MAST4: variants seen among roughly 807,000 people sequenced by gnomAD.
MAST4 encodes the protein microtubule associated serine/threonine kinase family member 4.
A neutral mutation model predicts 162.7 loss-of-function variants in MAST4; 89 were observed. The observed-to-expected ratio is 0.55, with a 90% CI of 0.46 to 0.65. The LOEUF (loss-of-function observed/expected upper bound fraction) is 0.65. MAST4 is among the 30% of genes least tolerant of loss of function. MAST4 has a pLI of 0.00. For synonymous variants in MAST4, 1,479 were observed against 1,361.1 expected (o/e 1.09, Z -1.91); for missense variants, 3,153 against 3,374.0 (o/e 0.93, Z 1.62).
At chr5:67,142,642 C>T in intron 21 of MAST4, 109 bp downstream of exon 21, 2 of 721,706 alleles carry the variant, frequency 2.8e-6, no homozygotes, top group Admixed American at 2.7e-5. Flanking sequence ...GGTTTGAGGT[C>T]TCCTATGCTT....
chr5:66,939,332 G>A (rs1342086279), intron 4 of MAST4, among the ~76,000 whole-genome samples: 2 of 152,040 alleles, frequency 1.3e-5, no homozygotes, highest in Non-Finnish European at 2.9e-5. Flanking sequence ...AACCAGAGAG[G>A]AAATAATATA....
At chr5:67,048,764 A>G (rs886678823) in intron 4 of MAST4, among the ~76,000 whole-genome samples, 7 of 151,776 alleles carry the variant, frequency 4.6e-5, no homozygotes, top group African/African-American at 1.7e-4. Context: ...CAGAGTTTTT[A>G]AATCACCTAG....
chr5:66,930,427 T>C (rs756167803), intron 4 of MAST4, among the ~76,000 whole-genome samples: 4 of 152,184 alleles, frequency 2.6e-5, no homozygotes, highest in Non-Finnish European at 4.4e-5. Context: ...TAAATGCAGC[T>C]GACACCACAG....
chr5:66,666,987 C>A (rs10068058), intron 1 of MAST4, among the ~76,000 whole-genome samples: 12 of 152,006 alleles, frequency 7.9e-5, no homozygotes, highest in South Asian at 2.1e-4. Flanking sequence ...AAGAGGCGGC[C>A]TCTACAGTGA....
intron 8 of MAST4, among the ~76,000 whole-genome samples, chr5:67,101,177 C>T (rs1764986071): frequency 6.6e-6 from 1 of 152,144 alleles, no homozygotes. Flanking sequence ...CAGCATGTTT[C>T]TTAGGGAGTG....
chr5:66,758,053 G>C (rs536484491), intron 1 of MAST4, among the ~76,000 whole-genome samples: 1 of 151,480 alleles, frequency 6.6e-6, no homozygotes, highest in Non-Finnish European at 1.5e-5. Context: ...ATTTGAAAGG[G>C]TGTGTTTTTT....
At chr5:66,663,487 G>A (rs76081863) in intron 1 of MAST4, among the ~76,000 whole-genome samples, 10,699 of 152,220 alleles carry the variant, frequency 0.07, 439 homozygotes, top group Admixed American at 0.11. Context: ...TTACTGGTCA[G>A]TTATGGGAAG....
rs758191941 is a variant in MAST4, at chr5:67,164,856, G to A, written c.5677G>A (p.Asp1893Asn). The A allele has an allele frequency of 1.9e-6, 3 of 1,614,004 alleles. No individual in the cohort carries two copies. Among genetic ancestry groups the A allele is most frequent in the Non-Finnish European group, 1.7e-6 (2 of 1,179,896 alleles). Reference sequence around the variant, plus strand: ...GAATTCACCAGCAGTTTCCCTGCCTGACCCAGAGTTCAAGAGGGACAGGAA... The same window carrying A: ...GAATTCACCAGCAGTTTCCCTGCCTAACCCAGAGTTCAAGAGGGACAGGAA... The part of the protein sequence containing the change: ...LQNSPAVSLP[D>N]PEFKRDRKGP... The change falls in exon 29 of 29, where the codon GAC becomes AAC. Residue 1893 changes from aspartate to asparagine, a missense_variant. This residue lies in a region of MAST4 where 1,644 missense variants were observed against 1,495.0 expected (regional missense o/e 1.10). Transcript: ENST00000403625. This position sits in a 1 kb window ranked among gnomAD's most constrained non-coding sequence, Gnocchi z 5.3.
intron 1 of MAST4, among the ~76,000 whole-genome samples, chr5:66,650,625 C>T (rs1232203634): frequency 6.6e-6 from 1 of 152,164 alleles, no homozygotes; most frequent in African/African-American, 2.4e-5. Flanking sequence ...GTTTAGCCAA[C>T]TGCCATGTAA....
intron 1 of MAST4, among the ~76,000 whole-genome samples, chr5:66,712,598 A>G (rs1750564204): frequency 6.6e-6 from 1 of 152,202 alleles, no homozygotes; most frequent in Non-Finnish European, 1.5e-5. Context: ...TGTTTGCTTT[A>G]TGTCTGCCAA....
At chr5:66,747,248 C>A (rs1275505867) in intron 1 of MAST4, among the ~76,000 whole-genome samples, 4 of 152,070 alleles carry the variant, frequency 2.6e-5, no homozygotes, top group African/African-American at 9.7e-5. Flanking sequence ...AAAATCAATT[C>A]TCTTAAGAAA....
chr5:66,875,339 G>T (rs1311662542), intron 3 of MAST4, among the ~76,000 whole-genome samples: 2 of 152,140 alleles, frequency 1.3e-5, no homozygotes, highest in Admixed American at 1.3e-4. Context: ...AGAAAATTCT[G>T]AGGCAGCTTA....
At chr5:66,687,596 A>G (rs1014172188) in intron 1 of MAST4, among the ~76,000 whole-genome samples, 3 of 150,242 alleles carry the variant, frequency 2.0e-5, no homozygotes, top group East Asian at 2.0e-4. Context: ...ATATATACAT[A>G]CATATATACA....
intron 4 of MAST4, among the ~76,000 whole-genome samples, chr5:66,984,374 G>A (rs1265204777): frequency 6.6e-6 from 1 of 152,200 alleles, no homozygotes; most frequent in Non-Finnish European, 1.5e-5. Flanking sequence ...CAGAGAGGCA[G>A]GGCCAGGTCC....
intron 2 of MAST4, among the ~76,000 whole-genome samples, chr5:66,764,310 G>A (rs1471367003): frequency 6.6e-6 from 1 of 152,126 alleles, no homozygotes; most frequent in Admixed American, 6.6e-5. Flanking sequence ...GCATGAGAGG[G>A]CAAGTTCTCC....
intron 1 of MAST4, among the ~76,000 whole-genome samples, chr5:66,734,678 G>A (rs1752057681): frequency 6.6e-6 from 1 of 152,192 alleles, no homozygotes. Flanking sequence ...GTAGCCATTA[G>A]CCACATGTGG....
At chr5:67,134,768 T>C (rs1021008436) in intron 18 of MAST4, 80 bp downstream of exon 18, 2 of 1,175,342 alleles carry the variant, frequency 1.7e-6, no homozygotes, top group Non-Finnish European at 2.4e-6. Flanking sequence ...GTCACAGTTT[T>C]TACTACTAAA....
intron 1 of MAST4, among the ~76,000 whole-genome samples, chr5:66,605,031 G>A (rs534279426): frequency 6.6e-6 from 1 of 152,306 alleles, no homozygotes; most frequent in African/African-American, 2.4e-5. Flanking sequence ...AATCTATTTT[G>A]TGTATAAAAG....
intron 4 of MAST4, among the ~76,000 whole-genome samples, chr5:67,046,970 C>G (rs572232833): frequency 1.9e-4 from 29 of 152,254 alleles, no homozygotes; most frequent in African/African-American, 6.7e-4. Flanking sequence ...TACATTGATA[C>G]AAATATGGAA....
Sources: gnomAD v4.1 joint callset for allele counts (sites outside exome capture counted in the v4.1 genomes callset) on GRCh38, gnomAD v4.1.1 for gene constraint, gnomAD v4.1.1 regional missense constraint, Gnocchi (gnomAD v3.1) non-coding constraint, MANE v1.5 for transcripts, NCBI Gene and HGNC (gene_info 2026-07-23, HGNC 2026-07-21) for gene names.